TMCC1: variants seen among roughly 807,000 people sequenced by gnomAD.
TMCC1 encodes the protein transmembrane and coiled-coil domains protein 1.
TMCC1 carries 15 observed loss-of-function variants against 52.4 expected under a neutral mutation model. That is an observed-to-expected ratio of 0.29 (90% CI 0.19 to 0.44). TMCC1 has a LOEUF of 0.44. TMCC1 is among the 20% of genes least tolerant of loss of function. The probability of loss-of-function intolerance (pLI) is 1.00; values close to 1 mark genes in which losing one functional copy is unlikely to be tolerated. For synonymous variants in TMCC1, 279 were observed against 301.9 expected, an observed-to-expected ratio of 0.92 and a Z score of 0.79; for missense variants, 503 against 806.0, an observed-to-expected ratio of 0.62 and a Z score of 4.55.
At chr3:129,886,472 T>C (rs1019807297) in intron 1 of TMCC1, among the ~76,000 whole-genome samples, 3 of 152,184 alleles carry the variant, frequency 2.0e-5, no homozygotes, top group Non-Finnish European at 2.9e-5. Context: ...CAAGGCAGCA[T>C]TATTCATAAT....
At chr3:129,868,198 T>C (rs1226182832) in intron 2 of TMCC1, among the ~76,000 whole-genome samples, 1 of 152,198 alleles carries the variant, frequency 6.6e-6, no homozygotes, top group Non-Finnish European at 1.5e-5. Flanking sequence ...CTTCCTTTTC[T>C]GGCTATGAAA....
At position 129,805,548 on chromosome 3, in the gene TMCC1, C is replaced by A. The variant is rs531916833; in HGVS notation, c.576+22255G>T. 5.9e-5 allele frequency among the ~76,000 whole-genome samples: 9 copies of A among 152,284 alleles called. No homozygotes were observed. The South Asian group carries it at 1.7e-3, about 28-fold the overall frequency. ...CCAGGATTACTCATTTTGTCTAGCA[C>A]ATACACAGTCTGTTGAAATATAGGG... On this transcript the variant is annotated intron_variant, in intron 4 of 6. Coordinates refer to ENST00000393238, the MANE Select transcript of TMCC1 (RefSeq NM_001017395.5).
intron 2 of TMCC1, among the ~76,000 whole-genome samples, chr3:129,856,214 T>C (rs1387913369): frequency 6.6e-6 from 1 of 152,196 alleles, no homozygotes; most frequent in Non-Finnish European, 1.5e-5. Flanking sequence ...AAGTAGCGTG[T>C]GGCACTTTCC....
intron 4 of TMCC1, among the ~76,000 whole-genome samples, chr3:129,816,487 T>C (rs2058102431): frequency 6.6e-6 from 1 of 152,038 alleles, no homozygotes; most frequent in Non-Finnish European, 1.5e-5. Flanking sequence ...CCAAGCAAGA[T>C]AAACATCACA....
chr3:129,760,541 G>A lies in TMCC1; in HGVS notation c.576+67262C>T, dbSNP rs1248503675. Among the ~76,000 whole-genome samples the A allele has an allele frequency of 3.3e-5, 5 of 149,992 alleles. 1 individual carries two copies. The highest frequency in any genetic ancestry group is 4.4e-5 in the Non-Finnish European group (3 of 67,596). On this transcript the variant is annotated intron_variant, in intron 4 of 6. Transcript: ENST00000393238. ...GTTGCCCAGGCTGGAGTAGTGGCGC[G>A]ATCTCCGCTCACTACAAGCTCCGCC...
chr3:129,686,099 G>T (rs1312635140), intron 4 of TMCC1, among the ~76,000 whole-genome samples: 2 of 152,086 alleles, frequency 1.3e-5, no homozygotes, highest in Non-Finnish European at 2.9e-5. Flanking sequence ...CATTCACGTA[G>T]GTTCTCATTT....
intron 5 of TMCC1, among the ~76,000 whole-genome samples, chr3:129,667,482 T>C (rs531891166): frequency 1.3e-5 from 2 of 152,304 alleles, no homozygotes; most frequent in Admixed American, 1.3e-4. Flanking sequence ...AAAGTCATTC[T>C]AAAACTGAAA....
At chr3:129,825,930 G>A (rs1479714898) in intron 4 of TMCC1, among the ~76,000 whole-genome samples, 5 of 152,146 alleles carry the variant, frequency 3.3e-5, no homozygotes, top group African/African-American at 1.2e-4. Context: ...TTTACTGTAA[G>A]CATATGCTAA....
chr3:129,866,703 C>T (rs377009684), intron 2 of TMCC1, among the ~76,000 whole-genome samples: 3 of 151,980 alleles, frequency 2.0e-5, no homozygotes, highest in African/African-American at 7.3e-5. Flanking sequence ...CTATTTGCTA[C>T]AGACAGAAAT....
chr3:129,744,253 T>G (rs551567686), intron 4 of TMCC1, among the ~76,000 whole-genome samples: 1 of 152,328 alleles, frequency 6.6e-6, no homozygotes, highest in South Asian at 2.1e-4. Context: ...AAAGATTGGT[T>G]GTCGTAGTTT....
At chr3:129,794,513 T>A (rs941766605) in intron 4 of TMCC1, among the ~76,000 whole-genome samples, 1 of 151,608 alleles carries the variant, frequency 6.6e-6, no homozygotes. Context: ...AAAGCCTTCA[T>A]TGTTCTATCA....
intron 4 of TMCC1, among the ~76,000 whole-genome samples, chr3:129,747,373 C>T (rs969964211): frequency 2.6e-5 from 4 of 152,160 alleles, no homozygotes; most frequent in Non-Finnish European, 4.4e-5. Flanking sequence ...GGCAACACTT[C>T]AGGAGTATAT....
intron 2 of TMCC1, among the ~76,000 whole-genome samples, chr3:129,852,496 C>T (rs961810406): frequency 2.0e-5 from 3 of 147,888 alleles, no homozygotes; most frequent in Non-Finnish European, 4.5e-5. Flanking sequence ...GAAAATTCTG[C>T]AGTATACAAC....
intron 5 of TMCC1, among the ~76,000 whole-genome samples, chr3:129,665,039 A>G (rs2087342796): frequency 1.3e-5 from 2 of 152,240 alleles, no homozygotes; most frequent in African/African-American, 2.4e-5. Flanking sequence ...CTAACTGGAC[A>G]AGAATCTGAA....
At chr3:129,695,559 C>G (rs1560208262) in intron 4 of TMCC1, among the ~76,000 whole-genome samples, 1 of 151,974 alleles carries the variant, frequency 6.6e-6, no homozygotes, top group African/African-American at 2.4e-5. Context: ...AAGTGCCAAG[C>G]AAAAGGGGGA....
intron 4 of TMCC1, among the ~76,000 whole-genome samples, chr3:129,737,179 GA>G (rs1281920110): frequency 1.2e-4 from 18 of 152,080 alleles, no homozygotes; most frequent in African/African-American, 4.3e-4. Context: ...AAAGAGGCTA[GA>G]GGGGGGCCGG....
intron 4 of TMCC1, among the ~76,000 whole-genome samples, chr3:129,706,901 TG>T (rs2048293429): frequency 6.6e-6 from 1 of 152,020 alleles, no homozygotes; most frequent in Admixed American, 6.5e-5. Flanking sequence ...CTCAAACTCC[TG>T]GGCTCAAGCA....
intron 4 of TMCC1, among the ~76,000 whole-genome samples, chr3:129,739,419 G>A (rs895722990): frequency 1.2e-4 from 18 of 152,074 alleles, no homozygotes; most frequent in Admixed American, 1.0e-3. Context: ...CACCCGCCTC[G>A]GCCTCCCAAA....
At chr3:129,811,199 A>G (rs2057787560) in intron 4 of TMCC1, among the ~76,000 whole-genome samples, 1 of 152,218 alleles carries the variant, frequency 6.6e-6, no homozygotes, top group Non-Finnish European at 1.5e-5. Flanking sequence ...TAAGCTTACA[A>G]AGAAATGCTC....
Sources: gnomAD v4.1 joint callset for allele counts (sites outside exome capture counted in the v4.1 genomes callset) on GRCh38, gnomAD v4.1.1 for gene constraint, MANE v1.5 for transcripts, NCBI Gene and HGNC (gene_info 2026-07-23, HGNC 2026-07-21) for gene names.